The following TTC5 variants were observed in gnomAD, a reference collection of about 807,000 sequenced individuals.
TTC5 encodes tetratricopeptide repeat protein 5.
Under a neutral mutation model 57.4 loss-of-function variants are expected in TTC5, and 46 were observed. The observed-to-expected ratio is 0.80, with a 90% CI of 0.63 to 1.03. The LOEUF (loss-of-function observed/expected upper bound fraction) is 1.03. Among genes scored for constraint, TTC5 ranks in the 50% least tolerant of loss-of-function variants. TTC5 has a pLI of 0.00. For missense variants in TTC5, 504 were observed against 528.1 expected, an observed-to-expected ratio of 0.95 and a Z score of 0.45; for synonymous variants, 190 against 203.5, an observed-to-expected ratio of 0.93 and a Z score of 0.57.
chr14:20,304,155 G>C (rs915789686), intron 1 of TTC5, among the ~76,000 whole-genome samples: 3 of 151,970 alleles, frequency 2.0e-5, no homozygotes, highest in African/African-American at 4.8e-5. Flanking sequence ...GTTTTGTTTC[G>C]AGCTACACCT....
At chr14:20,298,387 G>A (rs1457612362) in intron 5 of TTC5, among the ~76,000 whole-genome samples, 1 of 151,988 alleles carries the variant, frequency 6.6e-6, no homozygotes, top group Non-Finnish European at 1.5e-5. Context: ...ATTACCTAAC[G>A]GTTAATTTGG....
intron 5 of TTC5, among the ~76,000 whole-genome samples, chr14:20,296,918 T>C (rs1261220915): frequency 6.6e-6 from 1 of 151,918 alleles, no homozygotes; most frequent in Non-Finnish European, 1.5e-5. Flanking sequence ...GAGGCTGAGG[T>C]AGAATTGTTT....
chr14:20,297,360 T>A (rs1192001040), intron 5 of TTC5, among the ~76,000 whole-genome samples: 1 of 152,236 alleles, frequency 6.6e-6, no homozygotes, highest in Non-Finnish European at 1.5e-5. Flanking sequence ...TATTATATTT[T>A]TTTAATTCTC....
At position 20,298,878 on chromosome 14, in the gene TTC5, C is replaced by T. The variant is rs1487948309; in HGVS notation, c.558G>A (p.Gly186=). The change falls in exon 5 of 10, where the codon GGG becomes GGA. Residue 186 remains glycine (G), a synonymous_variant. Coordinates refer to ENST00000258821, the MANE Select transcript of TTC5 (RefSeq NM_138376.3). ...VHDGRSWYIL[G]NSYLSLYFST... The stretch of plus-strand genomic sequence containing the variant: ...AGAAGTAAAGGGAAAGATATGAATT[C>T]CCAAGAATATCTGAAAGAGAAACAC... The T allele has an allele frequency of 6.2e-7, 1 of 1,611,046 alleles. No homozygotes were observed. The highest frequency in any genetic ancestry group is 1.7e-5 in the Admixed American group (1 of 59,988).
At chr14:20,293,689 T>C (rs1166060556) in intron 8 of TTC5, 1 of 152,022 alleles carries the variant, frequency 6.6e-6, no homozygotes, top group Non-Finnish European at 1.5e-5. Context: ...GGGGGTGAAT[T>C]AAGGTGGTAA....
Position 20,295,379 on chromosome 14 carries a change from C to T in TTC5, c.991G>A (p.Val331Met). 6.2e-7 allele frequency: 1 copy of T among 1,614,194 alleles called. No individual in the cohort carries two copies. The highest frequency in any genetic ancestry group is 8.5e-7 in the Non-Finnish European group (1 of 1,180,040). ...CCCAGGATGACGGCACCGCTGTTCA[C>T]CCCAGGCTGAAGCGTACTCAGTGGC... ...LKPLSTLQPG[V>M]NSGAVILGKV... The change falls in exon 8 of 10, where the codon GTG (valine) becomes ATG (methionine). Residue 331 changes from valine (V) to methionine (M), a missense_variant. Physicochemically the swap from Val to Met is conservative, Grantham distance 21. Transcript: ENST00000258821.
chr14:20,287,330 A>G lies in TTC5; in HGVS notation c.*2297T>C, dbSNP rs527388521. ...CTGCTGGTCTGGGAACCACTCTTCA[A>G]GAGCCATTGCTGTAAAAGAAACTTT... On this transcript the variant is annotated 3_prime_UTR_variant, in exon 10 of 10. Coordinates refer to ENST00000258821, the MANE Select transcript of TTC5 (RefSeq NM_138376.3). 2.0e-5 allele frequency: 3 copies of G among 152,346 alleles called. No individual in the cohort carries two copies. The highest frequency in any genetic ancestry group is 7.2e-5 in the African/African-American group (3 of 41,574). The allele number at this position is 152,346 out of a possible 1,614,324, so 9.4% of individuals were successfully genotyped here. A position where few individuals can be genotyped will look rare whatever the true frequency, so the allele number is the denominator to read the frequency against.
At chr14:20,299,532 T>C in intron 3 of TTC5, 84 bp from the exon 4 acceptor site, 1 of 1,499,748 alleles carries the variant, frequency 6.7e-7, no homozygotes, top group East Asian at 2.3e-5. Flanking sequence ...CTTCTAAATC[T>C]AATTTTTTAC....
In TTC5 at chr14:20,295,507, T is replaced by A; in HGVS notation, c.863A>T (p.Lys288Met). 6.2e-7 allele frequency: 1 copy of A among 1,611,630 alleles called. No homozygotes were observed. Residue 288 changes from lysine to methionine, a missense_variant, in exon 8 of 10, where the codon AAG becomes ATG. Coordinates refer to ENST00000258821, the MANE Select transcript of TTC5 (RefSeq NM_138376.3). ...LESKGKVKTK[K>M]LQSMLGSLRP... ...CAAGCTTCCCAGCATGCTCTGCAGCTTTTTGGTCTTCACCTTTCCCTGCAA... is the reference window on the plus strand; with the variant it reads ...CAAGCTTCCCAGCATGCTCTGCAGCATTTTGGTCTTCACCTTTCCCTGCAA...
At chr14:20,294,804 ATTTCT>A (rs1882026642) in intron 8 of TTC5, 1 of 152,890 alleles carries the variant, frequency 6.5e-6, no homozygotes, top group South Asian at 2.1e-4. Flanking sequence ...GGTCCTTTAC[ATTTCT>A]TTTTTCTCAC....
intron 1 of TTC5, chr14:20,305,367 G>A (rs1882268864): frequency 6.5e-6 from 1 of 152,806 alleles, no homozygotes; most frequent in African/African-American, 2.4e-5. Context: ...TGTGGACTAT[G>A]TGGAGTCTGG....
intron 8 of TTC5, chr14:20,292,849 A>T (rs1393822686): frequency 6.6e-6 from 1 of 152,190 alleles, no homozygotes; most frequent in East Asian, 1.9e-4. Flanking sequence ...CTTAAAGGGT[A>T]AAAAACCAGC....
At chr14:20,297,063 T>C (rs1882080772) in intron 5 of TTC5, among the ~76,000 whole-genome samples, 1 of 152,144 alleles carries the variant, frequency 6.6e-6, no homozygotes, top group South Asian at 2.1e-4. Context: ...TTTTTAAAAA[T>C]TTAAATAGTG....
At chr14:20,299,506 C>G in intron 3 of TTC5, 58 bp from the exon 4 acceptor site, 1 of 1,555,482 alleles carries the variant, frequency 6.4e-7, no homozygotes, top group Non-Finnish European at 8.8e-7. Flanking sequence ...CTTTCCAGAT[C>G]TATTCTGAAC....
At position 20,295,537 on chromosome 14, in the gene TTC5, G is replaced by A. The variant is rs374399630; in HGVS notation, c.844-11C>T. The A allele has an allele frequency of 5.0e-6, 8 of 1,604,404 alleles. No homozygotes were observed. The African/African-American group carries it at 9.4e-5, about 19-fold the overall frequency. ...GGTCTTCACCTTTCCCTGCAAAGAA[G>A]GGGAAATAGGTAAGAAGCTGGAAAC... On this transcript the variant is annotated splice_polypyrimidine_tract_variant and intron_variant, in intron 7 of 9. Coordinates refer to ENST00000258821, the MANE Select transcript of TTC5 (RefSeq NM_138376.3).
rs924418762 is a variant in TTC5 at position 20,305,880 on chromosome 14, G to A, written c.51+7C>T. 10 of 1,613,576 alleles carry A rather than the reference G, an allele frequency of 6.2e-6. No homozygotes were observed. Among genetic ancestry groups the A allele is most frequent in the Non-Finnish European group, 8.5e-6 (10 of 1,179,748 alleles). ...AAACACATACAGAATTTAATCTACG[G>A]CCCCACCTGCAATTTCTGCAAGATC... On this transcript the variant is annotated splice_region_variant and intron_variant, in intron 1 of 9. Coordinates refer to ENST00000258821, the MANE Select transcript of TTC5 (RefSeq NM_138376.3).
At chr14:20,299,196 G>T in intron 4 of TTC5, 102 bp downstream of exon 4, 1 of 1,340,360 alleles carries the variant, frequency 7.5e-7, no homozygotes, top group Non-Finnish European at 1.0e-6. Flanking sequence ...GCCCTCTCTG[G>T]CTTAAACCTC....
Position 20,288,343 on chromosome 14 carries a change from A to G in TTC5, c.*1284T>C, listed in dbSNP as rs1334327886. On this transcript the variant is annotated 3_prime_UTR_variant, in exon 10 of 10. Coordinates refer to ENST00000258821, the MANE Select transcript of TTC5 (RefSeq NM_138376.3). ...ATCAAAAACTGAACAGGACTGGACCAAGAACAAAGATCTGAGCCATTTCAC... is the reference window on the plus strand; with the variant it reads ...ATCAAAAACTGAACAGGACTGGACCGAGAACAAAGATCTGAGCCATTTCAC... 1.3e-5 allele frequency: 2 copies of G among 152,300 alleles called. No individual in the cohort carries two copies. The highest frequency in any genetic ancestry group is 2.9e-5 in the Non-Finnish European group (2 of 68,062). 9.4% of individuals were successfully genotyped at this position (152,300 alleles called of 1,614,324 possible).
intron 9 of TTC5, among the ~76,000 whole-genome samples, chr14:20,290,315 A>G (rs894485410): frequency 6.6e-6 from 1 of 152,260 alleles, no homozygotes; most frequent in Non-Finnish European, 1.5e-5. Flanking sequence ...GTTGTAAAAC[A>G]TATTAAATAG....
Sources: gnomAD v4.1 joint callset for allele counts (sites outside exome capture counted in the v4.1 genomes callset) on GRCh38, gnomAD v4.1.1 for gene constraint, MANE v1.5 for transcripts, NCBI Gene and HGNC (gene_info 2026-07-23, HGNC 2026-07-21) for gene names.